Variants in EIF4G3 observed in about 807,000 individuals in gnomAD.
EIF4G3 encodes the protein eIF-4-gamma 3.
In EIF4G3, 34 loss-of-function variants were observed where a neutral mutation model predicts 186.4. The observed-to-expected ratio is 0.18, with a 90% CI of 0.14 to 0.24. The LOEUF is 0.24. EIF4G3 is among the 10% of genes least tolerant of loss of function. EIF4G3 has a pLI of 1.00. For missense variants in EIF4G3, 1,536 were observed against 1,948.5 expected, an observed-to-expected ratio of 0.79 and a Z score of 3.99; for synonymous variants, 673 against 679.5, an observed-to-expected ratio of 0.99 and a Z score of 0.15.
At chr1:21,084,213 A>T (rs1371886426) in intron 3 of EIF4G3, among the ~76,000 whole-genome samples, 2 of 151,150 alleles carry the variant, frequency 1.3e-5, no homozygotes, top group African/African-American at 2.4e-5. Context: ...CTATAGAACT[A>T]CCTGAGACTG....
At chr1:20,837,511 T>A (rs2154548829) in intron 30 of EIF4G3, among the ~76,000 whole-genome samples, 1 of 152,282 alleles carries the variant, frequency 6.6e-6, no homozygotes, top group Middle Eastern at 3.4e-3. Flanking sequence ...GCTGGCTTTC[T>A]GCTTTCTAAC....
intron 14 of EIF4G3, among the ~76,000 whole-genome samples, chr1:20,917,460 T>C (rs1472633012): frequency 6.6e-6 from 1 of 152,202 alleles, no homozygotes; most frequent in African/African-American, 2.4e-5. Flanking sequence ...TGGGCTGTGA[T>C]CGTGCCACTG....
intron 11 of EIF4G3, among the ~76,000 whole-genome samples, chr1:20,971,467 GTTC>G (rs2075871796): frequency 6.6e-6 from 1 of 152,184 alleles, no homozygotes; most frequent in Non-Finnish European, 1.5e-5. Context: ...TTCTGAGAGT[GTTC>G]TTCAAGTCCA....
intron 2 of EIF4G3, chr1:21,174,729 G>A (rs538474864): frequency 3.9e-5 from 6 of 152,188 alleles, no homozygotes; most frequent in African/African-American, 1.4e-4. Flanking sequence ...CATAAGCAAC[G>A]CTAAGTTATC....
At chr1:21,143,469 C>T (rs1354499073) in intron 2 of EIF4G3, among the ~76,000 whole-genome samples, 1 of 151,894 alleles carries the variant, frequency 6.6e-6, no homozygotes, top group Admixed American at 6.6e-5. Flanking sequence ...ATTTAAAATG[C>T]TGTAATGGGC....
chr1:20,981,771 G>A (rs1438286587), intron 8 of EIF4G3, among the ~76,000 whole-genome samples: 1 of 150,042 alleles, frequency 6.7e-6, no homozygotes, highest in African/African-American at 2.5e-5. Context: ...CACACATACT[G>A]TATATATACA....
intron 12 of EIF4G3, among the ~76,000 whole-genome samples, chr1:20,968,785 A>G (rs907030606): frequency 5.9e-5 from 9 of 152,256 alleles, no homozygotes; most frequent in African/African-American, 1.9e-4. Flanking sequence ...ATTAGATATT[A>G]TAAGTAATTT....
intron 4 of EIF4G3, among the ~76,000 whole-genome samples, chr1:21,023,539 C>T (rs1213809078): frequency 3.3e-5 from 5 of 152,094 alleles, no homozygotes. Context: ...GGATGGCAGA[C>T]GGAGTCTTGT....
chr1:21,039,025 T>A (rs2093407775), intron 4 of EIF4G3, among the ~76,000 whole-genome samples: 1 of 152,006 alleles, frequency 6.6e-6, no homozygotes, highest in South Asian at 2.1e-4. Context: ...AACCTAAACG[T>A]CTCAAACCTG....
chr1:21,079,540 C>G (rs1013161159), intron 3 of EIF4G3, among the ~76,000 whole-genome samples: 3 of 149,582 alleles, frequency 2.0e-5, no homozygotes, highest in South Asian at 2.1e-4. Context: ...TTTAATTAGC[C>G]AGGAGTCATG....
chr1:21,034,181 G>A (rs1417245703), intron 4 of EIF4G3, among the ~76,000 whole-genome samples: 1 of 152,194 alleles, frequency 6.6e-6, no homozygotes, highest in Non-Finnish European at 1.5e-5. Context: ...AGCTCCAGTA[G>A]AGAGATTATT....
intron 3 of EIF4G3, among the ~76,000 whole-genome samples, chr1:21,084,693 A>G (rs967613121): frequency 2.6e-5 from 4 of 151,502 alleles, no homozygotes; most frequent in African/African-American, 9.7e-5. Flanking sequence ...TCCTTCTACC[A>G]CAAATGTTTT....
At chr1:21,159,182 C>T (rs2097714747) in intron 2 of EIF4G3, among the ~76,000 whole-genome samples, 1 of 152,180 alleles carries the variant, frequency 6.6e-6, no homozygotes. Flanking sequence ...CCTATAATCC[C>T]AACACTTTGG....
chr1:20,811,489 T>C (rs1289963308), intron 35 of EIF4G3, among the ~76,000 whole-genome samples: 1 of 152,172 alleles, frequency 6.6e-6, no homozygotes, highest in Non-Finnish European at 1.5e-5. Flanking sequence ...CTAAGGCAAA[T>C]ATTTTGAAAT....
At position 21,160,134 on chromosome 1, in the gene EIF4G3, T is replaced by G. The variant is rs185693430; in HGVS notation, c.-272+16041A>C. Among the ~76,000 whole-genome samples, 3 of 150,882 alleles carry G rather than the reference T, an allele frequency of 2.0e-5. No individual in the cohort carries two copies. In the East Asian group the frequency reaches 5.8e-4, roughly 29 times the overall value. On this transcript the variant is annotated intron_variant, in intron 2 of 36. Transcript: ENST00000602326. ...AAAAAAAAAAAAAAAGATAATGGCT[T>G]CTTGAAAGAACACAGAAATCAACCT... is the stretch of plus-strand genomic sequence containing the variant.
At chr1:21,162,002 C>G (rs1367717687) in intron 2 of EIF4G3, 1 of 152,252 alleles carries the variant, frequency 6.6e-6, no homozygotes, top group African/African-American at 2.4e-5. Context: ...TAAAGTTCTT[C>G]CAGAATATAG....
intron 20 of EIF4G3, among the ~76,000 whole-genome samples, chr1:20,872,125 G>A (rs1213587441): frequency 2.0e-5 from 3 of 151,956 alleles, no homozygotes; most frequent in Middle Eastern, 3.4e-3. Flanking sequence ...GTGTGTGTGT[G>A]TATACACATA....
chr1:21,032,015 T>C (rs1183411040), intron 4 of EIF4G3, among the ~76,000 whole-genome samples: 1 of 152,194 alleles, frequency 6.6e-6, no homozygotes, highest in African/African-American at 2.4e-5. Flanking sequence ...TTGCTATTTG[T>C]TGCTTCAGGT....
chr1:20,956,786 C>A (rs2096439341), intron 12 of EIF4G3, among the ~76,000 whole-genome samples: 1 of 152,048 alleles, frequency 6.6e-6, no homozygotes, highest in Non-Finnish European at 1.5e-5. Context: ...AATCCTCCTG[C>A]CTCAGAGACA....
Sources: allele counts gnomAD v4.1 joint callset (sites outside exome capture counted in the v4.1 genomes callset), GRCh38; gene constraint gnomAD v4.1.1; transcripts MANE v1.5; gene names NCBI Gene and HGNC (gene_info 2026-07-23, HGNC 2026-07-21).